EPSTI1: variants seen among roughly 807,000 people sequenced by gnomAD.
EPSTI1 encodes epithelial-stromal interaction protein 1.
Under a neutral mutation model 49.9 loss-of-function variants are expected in EPSTI1, and 66 were observed. The observed-to-expected ratio is 1.32, with a 90% CI of 1.08 to 1.62. EPSTI1 has a LOEUF of 1.62. Ranked by LOEUF, EPSTI1 falls within the 40% of genes most tolerant of loss-of-function variation. EPSTI1 has a pLI of 0.00. For missense variants in EPSTI1, 394 were observed against 365.5 expected (o/e 1.08, Z -0.64); for synonymous variants, 137 against 130.7 (o/e 1.05, Z -0.33).
intron 1 of EPSTI1, among the ~76,000 whole-genome samples, chr13:42,991,499 G>A (rs1182277949): frequency 6.6e-6 from 1 of 152,192 alleles, no homozygotes; most frequent in Non-Finnish European, 1.5e-5. Context: ...TGGCCAGGCT[G>A]GTTTCGAACT....
chr13:42,969,079 G>A lies in EPSTI1; in HGVS notation c.331+15C>T. ...CCCGCCCTCCCTCATTCCGGCAGCGGCTGTGCTTGCTTACCTAGCCGTCTG... is the reference window on the plus strand; with the variant it reads ...CCCGCCCTCCCTCATTCCGGCAGCGACTGTGCTTGCTTACCTAGCCGTCTG... On this transcript the variant is annotated intron_variant, in intron 3 of 10. Coordinates refer to ENST00000313624, the MANE Select transcript of EPSTI1 (RefSeq NM_033255.5). The A allele has an allele frequency of 6.2e-7, 1 of 1,613,858 alleles. No individual in the cohort carries two copies. Among genetic ancestry groups the A allele is most frequent in the Non-Finnish European group, 8.5e-7 (1 of 1,179,898 alleles).
At chr13:42,892,470 G>T (rs866795609) in intron 10 of EPSTI1, among the ~76,000 whole-genome samples, 1 of 152,190 alleles carries the variant, frequency 6.6e-6, no homozygotes, top group African/African-American at 2.4e-5. Flanking sequence ...AAGAGGATTT[G>T]TTGATGGCTA....
chr13:42,967,788 C>T (rs1031443409), intron 3 of EPSTI1, among the ~76,000 whole-genome samples: 1 of 152,136 alleles, frequency 6.6e-6, no homozygotes, highest in African/African-American at 2.4e-5. Flanking sequence ...AAACAAGGAT[C>T]ACTGCATTAC....
intron 1 of EPSTI1, among the ~76,000 whole-genome samples, chr13:42,984,304 T>A (rs930054109): frequency 2.6e-5 from 4 of 152,194 alleles, no homozygotes; most frequent in Non-Finnish European, 5.9e-5. Flanking sequence ...CCACTTAGCA[T>A]CTATAAGCAG....
chr13:42,978,530 C>G (rs1261216270), intron 1 of EPSTI1, among the ~76,000 whole-genome samples: 1 of 152,208 alleles, frequency 6.6e-6, no homozygotes, highest in Non-Finnish European at 1.5e-5. Flanking sequence ...CTGAGCAGTT[C>G]CCAGCTTGAC....
At chr13:42,969,650 C>G (rs370847840) in intron 2 of EPSTI1, 1 of 173,338 alleles carries the variant, frequency 5.8e-6, no homozygotes, top group Non-Finnish European at 1.2e-5. Flanking sequence ...AATGAGGGCT[C>G]GGTGCTACAG....
intron 7 of EPSTI1, among the ~76,000 whole-genome samples, chr13:42,921,147 A>G (rs919371732): frequency 2.6e-5 from 4 of 152,196 alleles, no homozygotes; most frequent in Non-Finnish European, 5.9e-5. Context: ...ACTAGAGATG[A>G]ATTTCCAGAC....
chr13:42,908,801 G>A (rs2037576422), intron 8 of EPSTI1, among the ~76,000 whole-genome samples: 1 of 151,666 alleles, frequency 6.6e-6, no homozygotes, highest in African/African-American at 2.4e-5. Flanking sequence ...TAGCAAAAAG[G>A]GCCAGGCGCA....
intron 6 of EPSTI1, among the ~76,000 whole-genome samples, chr13:42,947,539 T>C (rs1213283767): frequency 6.6e-6 from 1 of 152,196 alleles, no homozygotes; most frequent in Non-Finnish European, 1.5e-5. Flanking sequence ...TTTCAAAAAG[T>C]CATCCCAGAA....
At chr13:42,950,651 CCT>C (rs753047359) in intron 6 of EPSTI1, among the ~76,000 whole-genome samples, 2 of 152,210 alleles carry the variant, frequency 1.3e-5, no homozygotes, top group East Asian at 3.9e-4. Flanking sequence ...CCATGGTTGT[CCT>C]CTCTACAGAA....
intron 8 of EPSTI1, among the ~76,000 whole-genome samples, chr13:42,909,617 G>A (rs1346235803): frequency 6.6e-6 from 1 of 152,004 alleles, no homozygotes; most frequent in African/African-American, 2.4e-5. Context: ...AGGAAATCTT[G>A]TCATTTGCAA....
At chr13:42,898,926 G>A (rs767142141) in intron 9 of EPSTI1, among the ~76,000 whole-genome samples, 17 of 152,176 alleles carry the variant, frequency 1.1e-4, no homozygotes, top group South Asian at 4.2e-4. Flanking sequence ...GGGCAGGTGC[G>A]GTGGCTCACT....
At chr13:42,958,814 G>C (rs2039354850) in intron 5 of EPSTI1, among the ~76,000 whole-genome samples, 1 of 152,172 alleles carries the variant, frequency 6.6e-6, no homozygotes, top group Admixed American at 6.5e-5. Context: ...TGGGCATTGG[G>C]CATTGTGAAA....
At chr13:42,977,122 CACTA>C (rs1303106023) in intron 1 of EPSTI1, among the ~76,000 whole-genome samples, 2 of 152,130 alleles carry the variant, frequency 1.3e-5, no homozygotes, top group Admixed American at 1.3e-4. Flanking sequence ...CAGAAGAAAA[CACTA>C]ACAGTCCTCT....
chr13:42,903,177 AATAC>A (rs1047522637), intron 8 of EPSTI1, among the ~76,000 whole-genome samples: 3 of 151,904 alleles, frequency 2.0e-5, no homozygotes, highest in African/African-American at 7.3e-5. Flanking sequence ...AAAAGTATAA[AATAC>A]ATACATATAT....
At chr13:42,909,925 T>C (rs2037615604) in intron 8 of EPSTI1, among the ~76,000 whole-genome samples, 1 of 152,208 alleles carries the variant, frequency 6.6e-6, no homozygotes, top group Non-Finnish European at 1.5e-5. Flanking sequence ...ATTTATTATA[T>C]TCTTGAAAAT....
At chr13:42,986,970 A>G (rs1284742871) in intron 1 of EPSTI1, among the ~76,000 whole-genome samples, 1 of 152,046 alleles carries the variant, frequency 6.6e-6, no homozygotes, top group Non-Finnish European at 1.5e-5. Flanking sequence ...ACACCCCACC[A>G]CCTACCCCTT....
At position 42,941,632 on chromosome 13, in the gene EPSTI1, GA is replaced by G. The variant is rs1320020189; in HGVS notation, c.563+12315del. 2.8e-4 allele frequency among the ~76,000 whole-genome samples: 41 copies of G among 145,894 alleles called. 1 individual carries two copies. The highest frequency in any genetic ancestry group is 2.3e-3 in the Admixed American group (33 of 14,546). ...AAGACACTGGAAAAAAAAAAAAACA[GA>G]AAAAAAATTTTTTAAGTAAACAGAC... is the stretch of plus-strand genomic sequence containing the variant. On this transcript the variant is annotated intron_variant, in intron 6 of 10. Coordinates refer to ENST00000313624, the MANE Select transcript of EPSTI1 (RefSeq NM_033255.5).
chr13:42,936,887 T>A (rs570059729), intron 6 of EPSTI1, among the ~76,000 whole-genome samples: 67 of 152,298 alleles, frequency 4.4e-4, no homozygotes, highest in African/African-American at 1.6e-3. Flanking sequence ...GTAGCCCCCA[T>A]CTCAGTACAT....
Sources: allele counts gnomAD v4.1 joint callset (sites outside exome capture counted in the v4.1 genomes callset), GRCh38; gene constraint gnomAD v4.1.1; transcripts MANE v1.5; gene names NCBI Gene and HGNC (gene_info 2026-07-23, HGNC 2026-07-21).